The following ATG10 variants were observed in gnomAD, a reference collection of about 807,000 sequenced individuals.
ATG10 encodes ubiquitin-like-conjugating enzyme ATG10.
ATG10 carries 30 observed loss-of-function variants against 32.1 expected under a neutral mutation model. That is an observed-to-expected ratio of 0.94 (90% CI 0.70 to 1.27). ATG10 has a LOEUF of 1.27. ATG10 is among the 50% of genes most tolerant of loss of function. The pLI, the probability that ATG10 is intolerant of heterozygous loss-of-function variation, is 0.00. For synonymous variants in ATG10, 87 were observed against 91.5 expected, an observed-to-expected ratio of 0.95 and a Z score of 0.28; for missense variants, 233 against 262.3, an observed-to-expected ratio of 0.89 and a Z score of 0.77.
At chr5:82,191,554 T>G (rs1744662996) in intron 5 of ATG10, among the ~76,000 whole-genome samples, 1 of 152,198 alleles carries the variant, frequency 6.6e-6, no homozygotes, top group South Asian at 2.1e-4. Context: ...AAGGGGAAAC[T>G]GAGACACAAA....
At chr5:82,037,270 C>T (rs1249074435) in intron 2 of ATG10, among the ~76,000 whole-genome samples, 8 of 51,646 alleles carry the variant, frequency 1.5e-4, no homozygotes, top group African/African-American at 5.6e-4. Context: ...TTTTTTGAGA[C>T]GGAGTCTCGC....
intron 3 of ATG10, among the ~76,000 whole-genome samples, chr5:82,104,544 TC>T (rs1416974827): frequency 1.3e-5 from 2 of 152,130 alleles, no homozygotes; most frequent in African/African-American, 4.8e-5. Context: ...TGATTTAACA[TC>T]CGATTTTATA....
intron 3 of ATG10, among the ~76,000 whole-genome samples, chr5:82,116,497 A>G (rs576599489): frequency 1.3e-5 from 2 of 152,236 alleles, no homozygotes; most frequent in South Asian, 4.1e-4. Flanking sequence ...TAAATGCACC[A>G]TCGCATATTA....
At chr5:82,248,780 G>C (rs1581848438) in intron 5 of ATG10, among the ~76,000 whole-genome samples, 2 of 151,748 alleles carry the variant, frequency 1.3e-5, no homozygotes, top group Non-Finnish European at 2.9e-5. Flanking sequence ...CATATTATAG[G>C]CTTGATTCTT....
intron 4 of ATG10, among the ~76,000 whole-genome samples, chr5:82,166,825 T>C (rs2149903868): frequency 6.6e-6 from 1 of 152,280 alleles, no homozygotes; most frequent in Admixed American, 6.5e-5. Context: ...AGGGGTCTTT[T>C]TTTGTTGTTG....
At chr5:82,081,877 T>C (rs1003317722) in intron 3 of ATG10, among the ~76,000 whole-genome samples, 1 of 152,214 alleles carries the variant, frequency 6.6e-6, no homozygotes, top group African/African-American at 2.4e-5. Context: ...CCTCATAAAA[T>C]GAGTTAGGGA....
chr5:82,197,821 G>A (rs1744926493), intron 5 of ATG10, among the ~76,000 whole-genome samples: 1 of 151,384 alleles, frequency 6.6e-6, no homozygotes, highest in African/African-American at 2.4e-5. Flanking sequence ...TCTTTTTACT[G>A]TATCACATTC....
intron 3 of ATG10, among the ~76,000 whole-genome samples, chr5:82,083,320 CA>C (rs760467520): frequency 1.6e-4 from 24 of 152,196 alleles, no homozygotes; most frequent in Non-Finnish European, 2.8e-4. Flanking sequence ...CGTAGGTAAA[CA>C]AAGTGGCCGG....
chr5:82,206,821 G>A (rs181444389), intron 5 of ATG10, among the ~76,000 whole-genome samples: 47 of 152,000 alleles, frequency 3.1e-4, no homozygotes, highest in African/African-American at 8.7e-4. Flanking sequence ...TGTAACAATT[G>A]TCTTGACTTC....
chr5:82,010,414 A>G (rs1762097938), intron 2 of ATG10, among the ~76,000 whole-genome samples: 1 of 152,186 alleles, frequency 6.6e-6, no homozygotes, highest in Non-Finnish European at 1.5e-5. Context: ...GAAATTATGT[A>G]TCTATAATGT....
At chr5:82,148,687 C>A (rs1294990973) in intron 3 of ATG10, among the ~76,000 whole-genome samples, 1 of 152,140 alleles carries the variant, frequency 6.6e-6, no homozygotes, top group Non-Finnish European at 1.5e-5. Context: ...TACAATTCTG[C>A]ATTTTCTTCC....
At chr5:82,164,778 T>C (rs760153269) in intron 4 of ATG10, among the ~76,000 whole-genome samples, 2 of 152,216 alleles carry the variant, frequency 1.3e-5, no homozygotes, top group Non-Finnish European at 2.9e-5. Flanking sequence ...TTGCCTGAAG[T>C]TGACTAAGCC....
chr5:82,205,214 C>T (rs1174674410), intron 5 of ATG10, among the ~76,000 whole-genome samples: 3 of 152,126 alleles, frequency 2.0e-5, no homozygotes, highest in East Asian at 3.8e-4. Context: ...GCAACAACAA[C>T]GTCATTTGTG....
chr5:81,978,304 A>G (rs908968470), intron 1 of ATG10, among the ~76,000 whole-genome samples: 2 of 152,214 alleles, frequency 1.3e-5, no homozygotes, highest in Non-Finnish European at 2.9e-5. Context: ...TCCTGACCTC[A>G]GGTGATCCAT....
At chr5:82,097,546 C>A (rs980494574) in intron 3 of ATG10, among the ~76,000 whole-genome samples, 1 of 152,162 alleles carries the variant, frequency 6.6e-6, no homozygotes, top group Non-Finnish European at 1.5e-5. Context: ...ACTAGAAACA[C>A]AAATCATTTT....
intron 2 of ATG10, among the ~76,000 whole-genome samples, chr5:82,031,143 A>G (rs905352569): frequency 2.0e-5 from 3 of 152,198 alleles, no homozygotes; most frequent in African/African-American, 7.2e-5. Flanking sequence ...TCTCAACCAA[A>G]TCATTTAGAA....
At chr5:82,109,904 T>G (rs536044122) in intron 3 of ATG10, among the ~76,000 whole-genome samples, 24 of 151,908 alleles carry the variant, frequency 1.6e-4, no homozygotes, top group Non-Finnish European at 2.9e-4. Flanking sequence ...GCTGCACCCA[T>G]TAACTCGTCA....
chr5:82,149,741 C>T (rs1767516013), intron 3 of ATG10, among the ~76,000 whole-genome samples: 1 of 152,058 alleles, frequency 6.6e-6, no homozygotes, highest in Non-Finnish European at 1.5e-5. Context: ...CTTCTATTCT[C>T]AGAGAAAATG....
intron 5 of ATG10, among the ~76,000 whole-genome samples, chr5:82,180,920 T>C (rs1023498988): frequency 1.3e-5 from 2 of 152,158 alleles, no homozygotes; most frequent in African/African-American, 4.8e-5. Flanking sequence ...AAGATTTTGA[T>C]ACAATGTTGA....
Sources: allele counts gnomAD v4.1 joint callset (sites outside exome capture counted in the v4.1 genomes callset), GRCh38; gene constraint gnomAD v4.1.1; transcripts MANE v1.5; gene names NCBI Gene and HGNC (gene_info 2026-07-23, HGNC 2026-07-21).